Variants in PRMT3 observed in about 807,000 individuals in gnomAD.
PRMT3 encodes the protein protein arginine N-methyltransferase 3.
PRMT3 carries 62 observed loss-of-function variants against 71.9 expected under a neutral mutation model. The observed-to-expected ratio is 0.86, with a 90% CI of 0.70 to 1.07. The LOEUF is 1.07. Ranked by LOEUF, PRMT3 falls within the 50% of genes least tolerant of loss-of-function variation. The pLI is 0.00. For synonymous variants in PRMT3, 213 were observed against 220.4 expected, an observed-to-expected ratio of 0.97 and a Z score of 0.30; for missense variants, 663 against 643.0, an observed-to-expected ratio of 1.03 and a Z score of -0.34.
In PRMT3 at chr11:20,402,780, A is replaced by G. The variant is rs10833319; in HGVS notation, c.706-139A>G. The G allele has an allele frequency of 0.87, 493,635 of 566,268 alleles. 221,452 individuals carry two copies. The highest frequency in any genetic ancestry group is 0.95 in the Non-Finnish European group (304,563 of 321,152). The allele number at this position is 566,268 out of a possible 1,614,324, so 35.1% of individuals were successfully genotyped here. A position where few individuals can be genotyped will look rare whatever the true frequency, so the allele number is the denominator to read the frequency against. ...TCTATTCTTTATTGTTTTCTTAGGAAAAAAATAAGCTTGGTATCCCAGGTA... is the reference window on the plus strand; with the variant it reads ...TCTATTCTTTATTGTTTTCTTAGGAGAAAAATAAGCTTGGTATCCCAGGTA... On this transcript the variant is annotated intron_variant, in intron 7 of 15. Coordinates refer to ENST00000331079, the MANE Select transcript of PRMT3 (RefSeq NM_005788.4).
At chr11:20,410,630 T>C (rs1590043462) in intron 9 of PRMT3, among the ~76,000 whole-genome samples, 2 of 152,050 alleles carry the variant, frequency 1.3e-5, no homozygotes, top group East Asian at 3.8e-4. Flanking sequence ...GCCCACATAA[T>C]CCTAAATATT....
At chr11:20,466,327 C>T (rs1850511172) in intron 13 of PRMT3, among the ~76,000 whole-genome samples, 2 of 152,134 alleles carry the variant, frequency 1.3e-5, no homozygotes, top group Admixed American at 1.3e-4. Flanking sequence ...TACAGAGCTG[C>T]CTGTTTTAAA....
intron 11 of PRMT3, among the ~76,000 whole-genome samples, chr11:20,460,232 A>C (rs771721885): frequency 1.2e-4 from 18 of 152,152 alleles, no homozygotes; most frequent in Non-Finnish European, 1.5e-5. Flanking sequence ...AAGCTAGTTA[A>C]TACTCATGGT....
chr11:20,388,202 G>C (rs369672172), intron 2 of PRMT3, 48 bp downstream of exon 2: 2 of 1,608,720 alleles, frequency 1.2e-6, no homozygotes, highest in Non-Finnish European at 8.5e-7. Flanking sequence ...GCCCGGGCGC[G>C]TGGGGTCTGT....
At position 20,388,030 on chromosome 11, in the gene PRMT3, G is replaced by A. The variant is rs1446333911; in HGVS notation, c.40G>A (p.Ala14Thr). 1.2e-6 allele frequency: 2 copies of A among 1,613,954 alleles called. No homozygotes were observed. The highest frequency in any genetic ancestry group is 3.3e-5 in the Admixed American group (2 of 60,028). Residue 14 changes from alanine (A) to threonine (T), a missense_variant, in exon 2 of 16, where the codon GCT (alanine) becomes ACT (threonine). Physicochemically the swap from Ala to Thr is moderately conservative, Grantham distance 58. Transcript: ENST00000331079. ...TGTGTGTGTGTTAGGCGGCCGGGGCGCTGTGGAGAATGAGGAGGACCTGCC... is the reference window on the plus strand; with the variant it reads ...TGTGTGTGTGTTAGGCGGCCGGGGCACTGTGGAGAATGAGGAGGACCTGCC... ...LASGATGGRG[A>T]VENEEDLPEL...
intron 10 of PRMT3, among the ~76,000 whole-genome samples, chr11:20,436,934 T>C (rs895679336): frequency 6.6e-6 from 1 of 152,142 alleles, no homozygotes; most frequent in African/African-American, 2.4e-5. Flanking sequence ...ATAGACTTTT[T>C]ATTACAGATT....
Position 20,404,219 on chromosome 11 carries a change from T to TTTGTTTTTG in PRMT3, c.771+1237_771+1238insGTTTTTGTT, listed in dbSNP as rs1849016932. Among the ~76,000 whole-genome samples the TTTGTTTTTG allele has an allele frequency of 6.5e-4, 6 of 9,240 alleles. 1 individual carries two copies. Among genetic ancestry groups the TTTGTTTTTG allele is most frequent in the African/African-American group, 1.3e-3 (6 of 4,548 alleles). The allele number at this position is 9,240 out of a possible 152,430, so 6.1% of individuals were successfully genotyped here. On this transcript the variant is annotated intron_variant, in intron 8 of 15. Coordinates refer to ENST00000331079, the MANE Select transcript of PRMT3 (RefSeq NM_005788.4). The stretch of plus-strand genomic sequence containing the variant: ...AGTGGAGACTTTTCATAGTTTTTTT[T>TTTGTTTTTG]TTTTTTTTTTTTTTTTTTTTTTTTT...
Position 20,497,083 on chromosome 11 carries a change from A to G in PRMT3, c.1486+2829A>G, listed in dbSNP as rs569783687. Among the ~76,000 whole-genome samples the G allele has an allele frequency of 5.3e-5, 8 of 152,314 alleles. No individual in the cohort carries two copies. The South Asian group carries it at 1.7e-3, about 32-fold the overall frequency. On this transcript the variant is annotated intron_variant, in intron 15 of 15. Coordinates refer to ENST00000331079, the MANE Select transcript of PRMT3 (RefSeq NM_005788.4). Reference sequence around the variant, plus strand: ...TCATTGTAGCCATTTTGTCATCTTAATACTAGAATTTTAAAGGCAGTACTA... The same window carrying G: ...TCATTGTAGCCATTTTGTCATCTTAGTACTAGAATTTTAAAGGCAGTACTA...
rs1851279848 is a variant in PRMT3 at position 20,494,187 on chromosome 11, T to C, written c.1419T>C (p.Pro473=). 9 of 1,610,440 alleles carry C rather than the reference T, an allele frequency of 5.6e-6. No homozygotes were observed. The highest frequency in any genetic ancestry group is 4.0e-5 in the African/African-American group (3 of 74,830). Residue 473 remains proline (P), a synonymous_variant, in exon 15 of 16, where the codon CCT becomes CCC. Coordinates refer to ENST00000331079, the MANE Select transcript of PRMT3 (RefSeq NM_005788.4). ...TTCAGGTCGTGTTCTCTACGGGCCC[T>C]CAGAGCACCAAAACACACTGGAAAC... ...CHNRVVFSTG[P]QSTKTHWKQT...
intron 10 of PRMT3, 58 bp from the exon 11 acceptor site, chr11:20,452,072 C>G (rs971555106): frequency 4.1e-6 from 5 of 1,219,654 alleles, no homozygotes; most frequent in Non-Finnish European, 5.8e-6. Flanking sequence ...TTTAAATTGA[C>G]CTGCTTATGA....
At chr11:20,426,430 A>G (rs1386507611) in intron 9 of PRMT3, among the ~76,000 whole-genome samples, 1 of 152,196 alleles carries the variant, frequency 6.6e-6, no homozygotes, top group Non-Finnish European at 1.5e-5. Flanking sequence ...CCTTTAAACC[A>G]TACTTTTATA....
intron 13 of PRMT3, among the ~76,000 whole-genome samples, chr11:20,468,449 A>G (rs565583264): frequency 1.1e-4 from 17 of 152,010 alleles, no homozygotes; most frequent in Non-Finnish European, 1.2e-4. Context: ...GCCCACTGCA[A>G]CCTCCGCCTT....
intron 13 of PRMT3, among the ~76,000 whole-genome samples, chr11:20,471,893 G>A (rs1449883931): frequency 6.6e-6 from 1 of 152,036 alleles, no homozygotes; most frequent in Non-Finnish European, 1.5e-5. Context: ...GTGGTTTGCA[G>A]TTCTCCTTGA....
chr11:20,496,377 T>G (rs529672444), intron 15 of PRMT3, among the ~76,000 whole-genome samples: 7 of 152,238 alleles, frequency 4.6e-5, no homozygotes, highest in Admixed American at 4.6e-4. Flanking sequence ...GTGATTGAGC[T>G]GCTTTACTCC....
chr11:20,503,226 GATT>G (rs1431637262), intron 15 of PRMT3, among the ~76,000 whole-genome samples: 1 of 151,924 alleles, frequency 6.6e-6, no homozygotes, highest in Non-Finnish European at 1.5e-5. Context: ...TCCTTTAAAA[GATT>G]ATATTACTAC....
At chr11:20,480,684 G>A (rs1046831471) in intron 13 of PRMT3, among the ~76,000 whole-genome samples, 1 of 152,102 alleles carries the variant, frequency 6.6e-6, no homozygotes, top group Non-Finnish European at 1.5e-5. Flanking sequence ...TTACACAAAG[G>A]CAGTTTTAGC....
At chr11:20,485,197 A>C (rs1480910929) in intron 13 of PRMT3, among the ~76,000 whole-genome samples, 1 of 152,198 alleles carries the variant, frequency 6.6e-6, no homozygotes, top group Non-Finnish European at 1.5e-5. Context: ...TATTAGATTA[A>C]GATCTCGGTT....
chr11:20,391,975 T>C (rs1019196387), intron 3 of PRMT3, among the ~76,000 whole-genome samples: 21 of 152,316 alleles, frequency 1.4e-4, no homozygotes, highest in Middle Eastern at 3.4e-3. Context: ...GAAATCAGTT[T>C]TCCATCTTTT....
In PRMT3 at chr11:20,388,087, T is replaced by G; in HGVS notation, c.97T>G (p.Trp33Gly). The G allele has an allele frequency of 6.2e-7, 1 of 1,614,028 alleles. No homozygotes were observed. Among genetic ancestry groups the G allele is most frequent in the Non-Finnish European group, 8.5e-7 (1 of 1,179,982 alleles). Residue 33 changes from tryptophan to glycine, a missense_variant, in exon 2 of 16, where the codon TGG becomes GGG. Coordinates refer to ENST00000331079, the MANE Select transcript of PRMT3 (RefSeq NM_005788.4). The stretch of plus-strand genomic sequence containing the variant: ...GTCGGACAGCGGGGACGAGGCCGCC[T>G]GGGAGGATGAGGACGATGCAGATCT... ...ELSDSGDEAA[W>G]EDEDDADLPH...
Sources: gnomAD v4.1 joint callset for allele counts (sites outside exome capture counted in the v4.1 genomes callset) on GRCh38, gnomAD v4.1.1 for gene constraint, MANE v1.5 for transcripts, NCBI Gene and HGNC (gene_info 2026-07-23, HGNC 2026-07-21) for gene names.